Variants in C1orf21 observed in about 807,000 individuals in gnomAD.
C1orf21 encodes the protein chromosome 1 open reading frame 21.
In C1orf21, 3 loss-of-function variants were observed where a neutral mutation model predicts 18.7. The observed-to-expected ratio is 0.16, with a 90% CI of 0.07 to 0.42. The LOEUF (loss-of-function observed/expected upper bound fraction) is 0.42, where lower values mean the gene tolerates loss of function less well. Among genes scored for constraint, C1orf21 ranks in the 10% least tolerant of loss-of-function variants. The probability of loss-of-function intolerance (pLI) is 0.99; values close to 1 mark genes in which losing one functional copy is unlikely to be tolerated. For synonymous variants in C1orf21, 41 were observed against 46.4 expected (o/e 0.88, Z 0.47); for missense variants, 104 against 143.6 (o/e 0.72, Z 1.41).
At chr1:184,446,937 G>C (rs1436021038) in intron 1 of C1orf21, among the ~76,000 whole-genome samples, 3 of 149,256 alleles carry the variant, frequency 2.0e-5, no homozygotes, top group Non-Finnish European at 4.4e-5. Context: ...GTGGGTATAA[G>C]AGACTGCATT....
At chr1:184,556,843 G>C (rs1658885790) in intron 3 of C1orf21, among the ~76,000 whole-genome samples, 1 of 152,184 alleles carries the variant, frequency 6.6e-6, no homozygotes, top group Non-Finnish European at 1.5e-5. Flanking sequence ...ATGGAAGACT[G>C]TCTTGGCTTA....
intron 1 of C1orf21, among the ~76,000 whole-genome samples, chr1:184,422,007 C>T (rs1469439908): frequency 6.6e-6 from 1 of 152,184 alleles, no homozygotes; most frequent in Non-Finnish European, 1.5e-5. Flanking sequence ...TAAATGCCAA[C>T]TGTATATCCA....
In C1orf21 at chr1:184,478,620, G is replaced by A. The variant is rs1179312795; in HGVS notation, c.94+1017G>A. ...AACGCTTCCCCGGTGCATGCACACC[G>A]AGTTCAGTTTGCTCATTGACATTAC... On this transcript the variant is annotated intron_variant, in intron 2 of 5. Coordinates refer to ENST00000235307, the MANE Select transcript of C1orf21 (RefSeq NM_030806.4). Among the ~76,000 whole-genome samples, 7 of 152,164 alleles carry A rather than the reference G, an allele frequency of 4.6e-5. No homozygotes were observed. The South Asian group carries it at 1.5e-3, about 32-fold the overall frequency.
At chr1:184,432,666 A>T (rs556127840) in intron 1 of C1orf21, among the ~76,000 whole-genome samples, 16 of 128,858 alleles carry the variant, frequency 1.2e-4, no homozygotes, top group Admixed American at 6.3e-4. Flanking sequence ...TTAAAGTATT[A>T]AAAAAAAAGA....
chr1:184,609,507 C>G (rs1659697247), intron 5 of C1orf21, among the ~76,000 whole-genome samples: 1 of 152,162 alleles, frequency 6.6e-6, no homozygotes, highest in South Asian at 2.1e-4. Flanking sequence ...TTTGCTAAAG[C>G]CATTGTCCAA....
Position 184,624,706 on chromosome 1 carries a change from C to T in C1orf21, c.*5150C>T, listed in dbSNP as rs1050213781. 2 of 152,164 alleles carry T rather than the reference C, an allele frequency of 1.3e-5. No homozygotes were observed. Among genetic ancestry groups the T allele is most frequent in the African/African-American group, 2.4e-5 (1 of 41,440 alleles). The allele number at this position is 152,164 out of a possible 1,614,324, so 9.4% of individuals were successfully genotyped here. A position where few individuals can be genotyped will look rare whatever the true frequency, so the allele number is the denominator to read the frequency against. Reference sequence around the variant, plus strand: ...TCCATTTAAGCACTGAAACTAGATGCAAATCTCTTTCGAGACCTTACATGT... The same window carrying T: ...TCCATTTAAGCACTGAAACTAGATGTAAATCTCTTTCGAGACCTTACATGT... On this transcript the variant is annotated 3_prime_UTR_variant, in exon 6 of 6. Transcript: ENST00000235307.
chr1:184,487,328 A>G (rs1352883892), intron 2 of C1orf21, among the ~76,000 whole-genome samples: 2 of 152,156 alleles, frequency 1.3e-5, no homozygotes, highest in East Asian at 3.9e-4. Context: ...GGAACTTTAC[A>G]TGTGACTGGT....
rs1659918106 is a variant in C1orf21, at chr1:184,621,680, C to T, written c.*2124C>T. 1 of 152,232 alleles carries T rather than the reference C, an allele frequency of 6.6e-6. No individual in the cohort carries two copies. Among genetic ancestry groups the T allele is most frequent in the African/African-American group, 2.4e-5 (1 of 41,454 alleles). The allele number at this position is 152,232 out of a possible 1,614,324, so 9.4% of individuals were successfully genotyped here. On this transcript the variant is annotated 3_prime_UTR_variant, in exon 6 of 6. Transcript: ENST00000235307. ...CACCACCCTCTACCCAAAGATGAAA[C>T]ATGCTCATGTCATTTTTCTCATGGT...
At chr1:184,511,722 C>G (rs551015546) in intron 3 of C1orf21, among the ~76,000 whole-genome samples, 1 of 152,246 alleles carries the variant, frequency 6.6e-6, no homozygotes, top group African/African-American at 2.4e-5. Flanking sequence ...AACTGAGTCA[C>G]AGTTCCGCAT....
At chr1:184,499,968 C>T (rs1657949591) in intron 2 of C1orf21, among the ~76,000 whole-genome samples, 1 of 152,156 alleles carries the variant, frequency 6.6e-6, no homozygotes, top group African/African-American at 2.4e-5. Context: ...CCCAGCAGTT[C>T]TTCAGTGGGT....
intron 3 of C1orf21, among the ~76,000 whole-genome samples, chr1:184,511,659 A>G (rs1391384562): frequency 1.3e-5 from 2 of 152,218 alleles, no homozygotes; most frequent in African/African-American, 2.4e-5. Flanking sequence ...GTCCGTTTTC[A>G]TGCTCCTATA....
chr1:184,447,606 C>A (rs1410283941), intron 1 of C1orf21, among the ~76,000 whole-genome samples: 1 of 152,174 alleles, frequency 6.6e-6, no homozygotes, highest in African/African-American at 2.4e-5. Context: ...ATTTCACTTT[C>A]TTCCTTACCT....
intron 2 of C1orf21, among the ~76,000 whole-genome samples, chr1:184,494,318 C>T (rs1657858843): frequency 1.3e-5 from 2 of 152,164 alleles, no homozygotes; most frequent in African/African-American, 4.8e-5. Flanking sequence ...CTCACAGAGG[C>T]AGTCCAGGGC....
At chr1:184,422,815 A>G (rs1656566506) in intron 1 of C1orf21, among the ~76,000 whole-genome samples, 1 of 152,218 alleles carries the variant, frequency 6.6e-6, no homozygotes, top group Non-Finnish European at 1.5e-5. Flanking sequence ...TTAGACAGAA[A>G]GCTTCTTGAG....
At chr1:184,614,705 AC>A (rs1659792015) in intron 5 of C1orf21, among the ~76,000 whole-genome samples, 2 of 152,228 alleles carry the variant, frequency 1.3e-5, no homozygotes, top group Non-Finnish European at 2.9e-5. Flanking sequence ...TTTTCCTGCA[AC>A]AAGATGGTCC....
At chr1:184,564,161 CCT>C (rs1432024958) in intron 3 of C1orf21, among the ~76,000 whole-genome samples, 1 of 152,120 alleles carries the variant, frequency 6.6e-6, no homozygotes, top group East Asian at 1.9e-4. Flanking sequence ...AACTTGGTTT[CCT>C]CATTTCTAAC....
At chr1:184,594,821 G>A (rs1332772844) in intron 4 of C1orf21, among the ~76,000 whole-genome samples, 1 of 152,158 alleles carries the variant, frequency 6.6e-6, no homozygotes, top group African/African-American at 2.4e-5. Flanking sequence ...AGGTATTAGG[G>A]AATTAGGACT....
At chr1:184,605,156 T>C (rs550958447) in intron 5 of C1orf21, among the ~76,000 whole-genome samples, 2 of 152,302 alleles carry the variant, frequency 1.3e-5, no homozygotes, top group East Asian at 3.9e-4. Context: ...TAGTTCTCAT[T>C]CAGCTTCTCC....
intron 3 of C1orf21, among the ~76,000 whole-genome samples, chr1:184,546,754 A>C (rs941195114): frequency 5.9e-5 from 9 of 152,232 alleles, no homozygotes; most frequent in Non-Finnish European, 2.9e-5. Flanking sequence ...ACCTCCAGGT[A>C]TATGAAAACC....
Sources: gnomAD v4.1 joint callset for allele counts (sites outside exome capture counted in the v4.1 genomes callset) on GRCh38, gnomAD v4.1.1 for gene constraint, MANE v1.5 for transcripts, NCBI Gene and HGNC (gene_info 2026-07-23, HGNC 2026-07-21) for gene names.